Variants in TACC2 observed in about 807,000 individuals in gnomAD.
The protein encoded by TACC2 is transforming acidic coiled-coil containing protein 2, also known as transforming acidic coiled-coil-containing protein 2.
In TACC2, 137 loss-of-function variants were observed where a neutral mutation model predicts 227.3. The observed-to-expected ratio is 0.60, with a 90% CI of 0.52 to 0.69. The LOEUF (loss-of-function observed/expected upper bound fraction) is 0.69, where lower values mean the gene tolerates loss of function less well. Among genes scored for constraint, TACC2 ranks in the 30% least tolerant of loss-of-function variants. The pLI is 0.00. For synonymous variants in TACC2, 1,523 were observed against 1,487.5 expected, an observed-to-expected ratio of 1.02 and a Z score of -0.55; for missense variants, 3,470 against 3,694.4, an observed-to-expected ratio of 0.94 and a Z score of 1.57.
chr10:122,086,313 A>AG lies in TACC2; in HGVS notation c.3817dup (p.Glu1273GlyfsTer41). On this transcript the variant is annotated frameshift_variant, in exon 4 of 23. Coordinates refer to ENST00000369005, the MANE Select transcript of TACC2 (RefSeq NM_206862.4). LOFTEE classifies it high-confidence loss of function. ...CTCCTGGCGAAAGCCCCTGTCCTGT[A>AG]GGGGAGCCCCCACTTGCCTTGGAAA... is the stretch of plus-strand genomic sequence containing the variant. The AG allele has an allele frequency of 6.2e-7, 1 of 1,613,864 alleles. No individual in the cohort carries two copies. Among genetic ancestry groups the AG allele is most frequent in the Non-Finnish European group, 8.5e-7 (1 of 1,180,022 alleles).
intron 3 of TACC2, among the ~76,000 whole-genome samples, chr10:122,053,561 C>A (rs535194949): frequency 3.5e-4 from 53 of 152,296 alleles, no homozygotes; most frequent in Non-Finnish European, 7.2e-4. Context: ...AGTGACCACA[C>A]TGCCCCTCAG....
At position 122,017,505 on chromosome 10, in the gene TACC2, A is replaced by T. The variant is rs537279232; in HGVS notation, c.-45-4432A>T. The stretch of plus-strand genomic sequence containing the variant: ...CTCATTCAAGACATTTTGCCTAATA[A>T]GATTCTCCTTCTTAGAAAAATTCTT... On this transcript the variant is annotated intron_variant, in intron 1 of 22. Coordinates refer to ENST00000369005, the MANE Select transcript of TACC2 (RefSeq NM_206862.4). Among the ~76,000 whole-genome samples, 4 of 152,200 alleles carry T rather than the reference A, an allele frequency of 2.6e-5. No homozygotes were observed. The South Asian group carries it at 8.3e-4, about 32-fold the overall frequency.
rs772547313 is a variant in TACC2 at position 122,084,647 on chromosome 10, T to C, written c.2147T>C (p.Leu716Ser). ...GLGRMESFLT[L>S]ESEKSDFPPT... ...GGAAGAATGGAGTCTTTCCTGACTTTAGAATCAGAGAAATCAGATTTTCCA... is the reference window on the plus strand; with the variant it reads ...GGAAGAATGGAGTCTTTCCTGACTTCAGAATCAGAGAAATCAGATTTTCCA... Residue 716 changes from leucine (L) to serine (S), a missense_variant, in exon 4 of 23, where the codon TTA (leucine) becomes TCA (serine). Coordinates refer to ENST00000369005, the MANE Select transcript of TACC2 (RefSeq NM_206862.4). 5.6e-6 allele frequency: 9 copies of C among 1,613,668 alleles called. No homozygotes were observed. The Admixed American group carries it at 1.2e-4, about 21-fold the overall frequency.
chr10:122,113,883 C>T (rs1231151276), intron 5 of TACC2, among the ~76,000 whole-genome samples: 1 of 152,196 alleles, frequency 6.6e-6, no homozygotes, highest in East Asian at 1.9e-4. Flanking sequence ...CTCGGGGTGT[C>T]CTCGAAATCC....
At chr10:122,225,061 C>CT (rs760136972) in intron 12 of TACC2, among the ~76,000 whole-genome samples, 1 of 118,652 alleles carries the variant, frequency 8.4e-6, no homozygotes, top group Non-Finnish European at 1.8e-5. Context: ...CTAGAGATTT[C>CT]TTTAAAAAAA....
chr10:122,171,905 T>C (rs1014408105), intron 7 of TACC2, among the ~76,000 whole-genome samples: 1 of 152,262 alleles, frequency 6.6e-6, no homozygotes, highest in Non-Finnish European at 1.5e-5. Flanking sequence ...ATTTTTTTCT[T>C]TTCTGTCTCC....
chr10:122,147,236 A>G (rs981784722), intron 7 of TACC2, among the ~76,000 whole-genome samples: 4 of 151,852 alleles, frequency 2.6e-5, no homozygotes, highest in Admixed American at 6.6e-5. Flanking sequence ...CCTCCACCCC[A>G]GAAGCTCAAG....
chr10:122,149,876 G>T (rs2091848932), intron 7 of TACC2, among the ~76,000 whole-genome samples: 1 of 152,210 alleles, frequency 6.6e-6, no homozygotes, highest in Non-Finnish European at 1.5e-5. Context: ...TTGCCTCTGA[G>T]GCCCACTGGG....
At chr10:122,217,359 C>T (rs146661282) in intron 11 of TACC2, among the ~76,000 whole-genome samples, 2 of 151,818 alleles carry the variant, frequency 1.3e-5, no homozygotes, top group East Asian at 1.9e-4. Flanking sequence ...AAATGGGCTC[C>T]GGACAACTTT....
intron 5 of TACC2, among the ~76,000 whole-genome samples, chr10:122,099,758 A>C (rs887548755): frequency 6.6e-6 from 1 of 152,220 alleles, no homozygotes; most frequent in South Asian, 2.1e-4. Context: ...GTGGGCTATA[A>C]ATTTGTGGGA....
Position 122,084,947 on chromosome 10 carries a change from G to A in TACC2, c.2447G>A (p.Gly816Glu). ...TGCCCAGGGGAAGGCTGGATAAGAG[G>A]AGCTGCATCCGAGTGGCCCCTACTA... ...PSCPGEGWIR[G>E]AASEWPLLSS... Residue 816 changes from glycine (G) to glutamate (E), a missense_variant, in exon 4 of 23, where the codon GGA (glycine) becomes GAA (glutamate). Transcript: ENST00000369005. 1.2e-6 allele frequency: 2 copies of A among 1,614,158 alleles called. No individual in the cohort carries two copies. The highest frequency in any genetic ancestry group is 1.7e-6 in the Non-Finnish European group (2 of 1,180,032).
intron 22 of TACC2, among the ~76,000 whole-genome samples, chr10:122,251,498 C>T (rs1338187963): frequency 1.3e-5 from 2 of 152,012 alleles, no homozygotes; most frequent in East Asian, 1.9e-4. Flanking sequence ...CTATGTATGG[C>T]ATATTTGGTG....
intron 3 of TACC2, among the ~76,000 whole-genome samples, chr10:122,066,432 C>A (rs1057307314): frequency 3.9e-5 from 6 of 152,136 alleles, no homozygotes; most frequent in Non-Finnish European, 7.3e-5. Flanking sequence ...CCACACCCAG[C>A]TAATTTTTGT....
chr10:122,007,912 G>A (rs1024262389), intron 1 of TACC2, among the ~76,000 whole-genome samples: 2 of 152,046 alleles, frequency 1.3e-5, no homozygotes, highest in African/African-American at 2.4e-5. Flanking sequence ...AACAGAGTGG[G>A]CCTGTTATGA....
chr10:122,126,502 A>G (rs2086908425), intron 5 of TACC2, among the ~76,000 whole-genome samples: 2 of 152,008 alleles, frequency 1.3e-5, no homozygotes. Flanking sequence ...GATTTGTCTG[A>G]TTCCTCTGAT....
intron 3 of TACC2, among the ~76,000 whole-genome samples, chr10:122,056,822 A>T (rs1220991794): frequency 6.6e-6 from 1 of 152,206 alleles, no homozygotes; most frequent in Non-Finnish European, 1.5e-5. Flanking sequence ...AGAATCTGTC[A>T]GTCAGGTGAG....
At chr10:122,016,129 G>A (rs1956580032) in intron 1 of TACC2, among the ~76,000 whole-genome samples, 1 of 151,278 alleles carries the variant, frequency 6.6e-6, no homozygotes, top group Non-Finnish European at 1.5e-5. Flanking sequence ...AGGCATGGTG[G>A]TGCACACCTG....
intron 16 of TACC2, among the ~76,000 whole-genome samples, chr10:122,233,805 G>C (rs924692674): frequency 6.6e-6 from 1 of 152,116 alleles, no homozygotes; most frequent in Non-Finnish European, 1.5e-5. Context: ...GGCAGGAGCG[G>C]CTGGCTGTTG....
intron 3 of TACC2, among the ~76,000 whole-genome samples, chr10:122,075,927 G>A (rs2078746332): frequency 6.6e-6 from 1 of 152,148 alleles, no homozygotes; most frequent in Non-Finnish European, 1.5e-5. Flanking sequence ...AGCCTCCCAA[G>A]TAGCTGGGAT....
Sources: allele counts gnomAD v4.1 joint callset (sites outside exome capture counted in the v4.1 genomes callset), GRCh38; gene constraint gnomAD v4.1.1; transcripts MANE v1.5; gene names NCBI Gene and HGNC (gene_info 2026-07-23, HGNC 2026-07-21).